The following MTMR12 variants were observed in gnomAD, a reference collection of about 807,000 sequenced individuals.
The protein encoded by MTMR12 is myotubularin related protein 12, also known as myotubularin-related protein 12.
A neutral mutation model predicts 96.7 loss-of-function variants in MTMR12; 33 were observed. The observed-to-expected ratio is 0.34, with a 90% CI of 0.26 to 0.46. The LOEUF (loss-of-function observed/expected upper bound fraction) is 0.46, where lower values mean the gene tolerates loss of function less well. Among genes scored for constraint, MTMR12 ranks in the 20% least tolerant of loss-of-function variants. The pLI is 1.00. For synonymous variants in MTMR12, 298 were observed against 327.2 expected (o/e 0.91, Z 0.96); for missense variants, 721 against 896.1 (o/e 0.80, Z 2.49).
intron 1 of MTMR12, among the ~76,000 whole-genome samples, chr5:32,279,836 AG>A (rs1372546676): frequency 1.3e-5 from 2 of 152,232 alleles, no homozygotes; most frequent in Non-Finnish European, 2.9e-5. Context: ...AGTTCACAAT[AG>A]GGTTCATGCT....
chr5:32,280,169 G>C (rs1219019814), intron 1 of MTMR12, among the ~76,000 whole-genome samples: 1 of 152,160 alleles, frequency 6.6e-6, no homozygotes, highest in Non-Finnish European at 1.5e-5. Flanking sequence ...CCTTAGGAGA[G>C]GTAGAAAAAG....
At chr5:32,304,149 G>C (rs756511945) in intron 1 of MTMR12, among the ~76,000 whole-genome samples, 5 of 152,046 alleles carry the variant, frequency 3.3e-5, no homozygotes, top group Non-Finnish European at 5.9e-5. Context: ...GTGAAACCCT[G>C]TCTCTACTAA....
At chr5:32,305,130 C>G (rs1171613065) in intron 1 of MTMR12, among the ~76,000 whole-genome samples, 1 of 152,064 alleles carries the variant, frequency 6.6e-6, no homozygotes, top group Non-Finnish European at 1.5e-5. Flanking sequence ...GCTCTGTCGC[C>G]CAGGCTGGAA....
Position 32,302,301 on chromosome 5 carries a change from C to T in MTMR12, c.81+10457G>A, listed in dbSNP as rs147556376. On this transcript the variant is annotated intron_variant, in intron 1 of 15. Transcript: ENST00000382142. ...ATAAAGAGAGTATTAGTTTCAGAGA[C>T]AATTTGATTTTATTTATGCTAGTTA... 1.3e-3 allele frequency among the ~76,000 whole-genome samples: 194 copies of T among 152,304 alleles called. 1 individual carries two copies. Among genetic ancestry groups the T allele is most frequent in the Admixed American group, 2.0e-3 (30 of 15,302 alleles).
intron 7 of MTMR12, among the ~76,000 whole-genome samples, chr5:32,260,679 A>T (rs1483308242): frequency 7.0e-6 from 1 of 142,442 alleles, no homozygotes; most frequent in African/African-American, 2.5e-5. Context: ...GGACCCTGGC[A>T]GGCCCTTCCC....
chr5:32,257,544 G>A (rs1749188642), intron 7 of MTMR12, among the ~76,000 whole-genome samples: 7 of 152,092 alleles, frequency 4.6e-5, no homozygotes, highest in Non-Finnish European at 1.5e-5. Context: ...GCTGAGGTGG[G>A]TGTATCATGA....
chr5:32,240,726 G>C (rs894033884), intron 12 of MTMR12, among the ~76,000 whole-genome samples: 2 of 152,004 alleles, frequency 1.3e-5, no homozygotes, highest in Non-Finnish European at 2.9e-5. Flanking sequence ...TCAGCCTCCC[G>C]AGTAGCCAGG....
intron 12 of MTMR12, among the ~76,000 whole-genome samples, chr5:32,241,650 T>C (rs568725339): frequency 4.3e-4 from 66 of 152,336 alleles, no homozygotes; most frequent in Middle Eastern, 3.4e-3. Flanking sequence ...ACCAAGTTTC[T>C]ATGGTAACTG....
Position 32,233,980 on chromosome 5 carries a change from G to C in MTMR12, c.1513-46C>G. 6.2e-7 allele frequency: 1 copy of C among 1,610,500 alleles called. No individual in the cohort carries two copies. The highest frequency in any genetic ancestry group is 8.5e-7 in the Non-Finnish European group (1 of 1,177,444). Reference sequence around the variant, plus strand: ...CATGCTGTTTTCCAGGGAGGGCTGAGGAAGGCAAACACATACTTCTGGACA... The same window carrying C: ...CATGCTGTTTTCCAGGGAGGGCTGACGAAGGCAAACACATACTTCTGGACA... On this transcript the variant is annotated intron_variant, in intron 14 of 15. Coordinates refer to ENST00000382142, the MANE Select transcript of MTMR12 (RefSeq NM_001040446.3). The surrounding 1 kb of genome is among the most constrained non-coding windows in gnomAD (Gnocchi z 5.0).
chr5:32,288,831 G>T (rs193216540), intron 1 of MTMR12, among the ~76,000 whole-genome samples: 1 of 152,310 alleles, frequency 6.6e-6, no homozygotes, highest in Admixed American at 6.5e-5. Context: ...TAGAGTAAGG[G>T]ATCCAAAGGC....
At chr5:32,248,269 C>A (rs576579340) in intron 9 of MTMR12, 143 bp from the exon 10 acceptor site, 1 of 925,772 alleles carries the variant, frequency 1.1e-6, no homozygotes, top group Non-Finnish European at 1.6e-6. Context: ...CTGCAGGACT[C>A]CTGTTCCCAG....
intron 14 of MTMR12, 60 bp downstream of exon 14, chr5:32,234,902 T>C (rs1364144913): frequency 1.4e-6 from 2 of 1,468,672 alleles, no homozygotes; most frequent in African/African-American, 1.4e-5. Flanking sequence ...TCAGTATTAC[T>C]GCATCCTACT....
chr5:32,252,606 G>A (rs1748980556), intron 8 of MTMR12, among the ~76,000 whole-genome samples: 2 of 152,186 alleles, frequency 1.3e-5, no homozygotes, highest in African/African-American at 4.8e-5. Context: ...TGAGGACCCT[G>A]AAGAGCTTGT....
At chr5:32,232,522 C>T (rs1343008104) in intron 15 of MTMR12, among the ~76,000 whole-genome samples, 12 of 152,144 alleles carry the variant, frequency 7.9e-5, no homozygotes, top group Admixed American at 1.3e-4. Context: ...AGGTTCCTCC[C>T]GTAACACAAC....
chr5:32,253,559 C>T (rs1442174291), intron 8 of MTMR12, among the ~76,000 whole-genome samples: 1 of 152,196 alleles, frequency 6.6e-6, no homozygotes, highest in East Asian at 1.9e-4. Context: ...ACAAACTCCA[C>T]TGTAACTTTT....
intron 12 of MTMR12, among the ~76,000 whole-genome samples, chr5:32,240,638 T>G (rs1054200491): frequency 3.3e-5 from 5 of 152,124 alleles, no homozygotes; most frequent in African/African-American, 1.2e-4. Context: ...TCTCACTCTG[T>G]CACCCAGGCT....
intron 7 of MTMR12, among the ~76,000 whole-genome samples, chr5:32,258,629 G>A (rs1038685694): frequency 2.0e-5 from 3 of 152,118 alleles, no homozygotes. Flanking sequence ...CTGAATATTA[G>A]ACAAGAGCCT....
chr5:32,247,390 C>T (rs1483025264), intron 10 of MTMR12, among the ~76,000 whole-genome samples: 1 of 152,096 alleles, frequency 6.6e-6, no homozygotes, highest in Admixed American at 6.6e-5. Context: ...TATCTATAGG[C>T]ATGACAAATC....
intron 3 of MTMR12, among the ~76,000 whole-genome samples, chr5:32,273,445 C>T (rs569694795): frequency 2.4e-4 from 37 of 152,104 alleles, no homozygotes; most frequent in Non-Finnish European, 4.4e-4. Flanking sequence ...CATTCACCAT[C>T]GGTTTCATTA....
Sources: allele counts gnomAD v4.1 joint callset (sites outside exome capture counted in the v4.1 genomes callset), GRCh38; gene constraint gnomAD v4.1.1; non-coding constraint Gnocchi (gnomAD v3.1); transcripts MANE v1.5; gene names NCBI Gene and HGNC (gene_info 2026-07-23, HGNC 2026-07-21).